Variants in GABRG3 observed in about 807,000 individuals in gnomAD.
The protein encoded by GABRG3 is gamma-aminobutyric acid receptor subunit gamma-3.
GABRG3 carries 25 observed loss-of-function variants against 48.8 expected under a neutral mutation model. The ratio of observed to expected loss-of-function variants is 0.51; its 90% CI spans 0.37 to 0.72. The LOEUF (loss-of-function observed/expected upper bound fraction) is 0.72, where lower values mean the gene tolerates loss of function less well. Ranked by LOEUF, GABRG3 falls within the 30% of genes least tolerant of loss-of-function variation. The probability of loss-of-function intolerance (pLI) is 0.00; values close to 1 mark genes in which losing one functional copy is unlikely to be tolerated. For synonymous variants in GABRG3, 227 were observed against 217.6 expected, an observed-to-expected ratio of 1.04 and a Z score of -0.38; for missense variants, 394 against 577.9, an observed-to-expected ratio of 0.68 and a Z score of 3.26.
chr15:27,297,039 G>A (rs2140490233), intron 3 of GABRG3, among the ~76,000 whole-genome samples: 1 of 151,964 alleles, frequency 6.6e-6, no homozygotes, highest in South Asian at 2.1e-4. Flanking sequence ...CTAGGCTAAT[G>A]TATGTGTTTG....
intron 3 of GABRG3, among the ~76,000 whole-genome samples, chr15:27,311,858 G>A (rs982010344): frequency 2.0e-5 from 3 of 152,214 alleles, no homozygotes; most frequent in African/African-American, 7.2e-5. Flanking sequence ...AGGGTCTTTT[G>A]TATGAGACTA....
intron 3 of GABRG3, among the ~76,000 whole-genome samples, chr15:27,249,107 G>A (rs1424163110): frequency 6.6e-6 from 1 of 152,222 alleles, no homozygotes; most frequent in Non-Finnish European, 1.5e-5. Context: ...CGACCTGGGT[G>A]ATGTGGGCTG....
At chr15:26,984,020 C>T (rs763837218) in intron 2 of GABRG3, among the ~76,000 whole-genome samples, 9 of 152,100 alleles carry the variant, frequency 5.9e-5, no homozygotes. Context: ...TCGCCCCCTA[C>T]AGGAAGCCCT....
intron 2 of GABRG3, among the ~76,000 whole-genome samples, chr15:26,983,576 A>G (rs1026094052): frequency 8.5e-5 from 13 of 152,154 alleles, no homozygotes; most frequent in African/African-American, 3.1e-4. Flanking sequence ...GTTTGAGACC[A>G]GTCTGAGCAA....
intron 3 of GABRG3, among the ~76,000 whole-genome samples, chr15:27,165,529 G>A (rs1425493114): frequency 3.3e-5 from 5 of 152,098 alleles, no homozygotes; most frequent in Admixed American, 1.3e-4. Flanking sequence ...CTCCAAAGAT[G>A]TTCTTCTCCA....
At chr15:27,432,543 G>A (rs1888487725) in intron 5 of GABRG3, among the ~76,000 whole-genome samples, 1 of 152,162 alleles carries the variant, frequency 6.6e-6, no homozygotes, top group African/African-American at 2.4e-5. Flanking sequence ...TCACCTCAGA[G>A]AGGCCTCTGT....
At chr15:27,263,453 T>C (rs1437860067) in intron 3 of GABRG3, among the ~76,000 whole-genome samples, 1 of 152,138 alleles carries the variant, frequency 6.6e-6, no homozygotes, top group Non-Finnish European at 1.5e-5. Flanking sequence ...ATTAAGAGGT[T>C]TGAACTTGTC....
chr15:26,990,818 T>A (rs1308160773), intron 2 of GABRG3, among the ~76,000 whole-genome samples: 2 of 151,698 alleles, frequency 1.3e-5, no homozygotes, highest in African/African-American at 4.9e-5. Flanking sequence ...TTTTTTTTTT[T>A]TTTTAAGACA....
At chr15:27,298,278 T>G (rs1383918090) in intron 3 of GABRG3, among the ~76,000 whole-genome samples, 1 of 152,178 alleles carries the variant, frequency 6.6e-6, no homozygotes, top group Non-Finnish European at 1.5e-5. Context: ...ATATACCATG[T>G]GTAAACCAGA....
chr15:27,060,710 G>C (rs1896630230), intron 3 of GABRG3, among the ~76,000 whole-genome samples: 1 of 152,208 alleles, frequency 6.6e-6, no homozygotes, highest in Non-Finnish European at 1.5e-5. Flanking sequence ...AGACCAAGCT[G>C]TAGGGTGTAA....
At chr15:27,509,988 C>G (rs909170086) in intron 6 of GABRG3, among the ~76,000 whole-genome samples, 3 of 152,040 alleles carry the variant, frequency 2.0e-5, no homozygotes, top group Admixed American at 6.5e-5. Flanking sequence ...ATAAGCATGC[C>G]TTTCATTTTG....
rs1456164352 is a variant in GABRG3, at chr15:27,314,179, A to G, written c.271-12630A>G. 2.6e-5 allele frequency among the ~76,000 whole-genome samples: 4 copies of G among 152,310 alleles called. No individual in the cohort carries two copies. The East Asian group carries it at 7.7e-4, about 29-fold the overall frequency. ...AACAAAGGAAATGATCAACAGAGTGAAAAGGCAACTATAGTGAAGTCCTAC... is the reference window on the plus strand; with the variant it reads ...AACAAAGGAAATGATCAACAGAGTGGAAAGGCAACTATAGTGAAGTCCTAC... On this transcript the variant is annotated intron_variant, in intron 3 of 9. Transcript: ENST00000615808.
At chr15:27,373,255 G>T (rs959376389) in intron 5 of GABRG3, among the ~76,000 whole-genome samples, 31 of 152,218 alleles carry the variant, frequency 2.0e-4, no homozygotes, top group African/African-American at 6.7e-4. Context: ...TGATTCTTAT[G>T]AATATAAAAT....
chr15:27,032,479 CA>C (rs1896102752), intron 3 of GABRG3, among the ~76,000 whole-genome samples: 1 of 152,184 alleles, frequency 6.6e-6, no homozygotes, highest in East Asian at 1.9e-4. Context: ...ACAAGCGTGG[CA>C]CCAGCATCTG....
intron 3 of GABRG3, among the ~76,000 whole-genome samples, chr15:27,062,040 C>G (rs1192134784): frequency 6.6e-6 from 1 of 152,192 alleles, no homozygotes; most frequent in Non-Finnish European, 1.5e-5. Flanking sequence ...TACAGAATCT[C>G]TCTCATCCAC....
At chr15:27,088,025 GTA>G (rs1352927780) in intron 3 of GABRG3, among the ~76,000 whole-genome samples, 10 of 151,278 alleles carry the variant, frequency 6.6e-5, no homozygotes, top group African/African-American at 2.4e-4. Context: ...GTGTGCATGT[GTA>G]TATGAGTGTG....
intron 7 of GABRG3, among the ~76,000 whole-genome samples, chr15:27,526,304 C>T (rs2150864430): frequency 6.6e-6 from 1 of 152,326 alleles, no homozygotes; most frequent in Middle Eastern, 3.4e-3. Flanking sequence ...TAAACAGAGG[C>T]CGTGATGCTG....
chr15:27,473,921 T>C (rs1889859259), intron 5 of GABRG3, among the ~76,000 whole-genome samples: 1 of 152,222 alleles, frequency 6.6e-6, no homozygotes. Flanking sequence ...GTCTTGTCTG[T>C]CTTAAAGTTT....
intron 3 of GABRG3, among the ~76,000 whole-genome samples, chr15:27,192,488 C>T (rs999331952): frequency 2.0e-5 from 3 of 152,176 alleles, no homozygotes; most frequent in African/African-American, 7.2e-5. Flanking sequence ...TCTTCCATCG[C>T]TGATACCCTT....
Sources: gnomAD v4.1 joint callset for allele counts (sites outside exome capture counted in the v4.1 genomes callset) on GRCh38, gnomAD v4.1.1 for gene constraint, MANE v1.5 for transcripts, NCBI Gene and HGNC (gene_info 2026-07-23, HGNC 2026-07-21) for gene names.